HYAL4: variants seen among roughly 807,000 people sequenced by gnomAD.
HYAL4 encodes hyaluronidase 4.
A neutral mutation model predicts 35.2 loss-of-function variants in HYAL4; 37 were observed. That is an observed-to-expected ratio of 1.05 (90% CI 0.81 to 1.38). The LOEUF is 1.38. Ranked by LOEUF, HYAL4 falls within the 40% of genes most tolerant of loss-of-function variation. HYAL4 has a pLI of 0.00. For synonymous variants in HYAL4, 198 were observed against 203.2 expected, an observed-to-expected ratio of 0.97 and a Z score of 0.22; for missense variants, 572 against 572.4, an observed-to-expected ratio of 1.00 and a Z score of 0.01.
At chr7:123,815,715 G>A in the HYAL4 span, among the ~76,000 whole-genome samples, 2 of 152,138 alleles carry the variant, frequency 1.3e-5, no homozygotes, top group Non-Finnish European at 2.9e-5. Flanking sequence ...GGACATTCTT[G>A]TAAGGATTCA....
intron 2 of HYAL4, among the ~76,000 whole-genome samples, chr7:123,857,657 C>CTTTGTTTG (rs1164019138): frequency 1.2e-4 from 8 of 66,972 alleles, no homozygotes; most frequent in Admixed American, 4.7e-4. Context: ...TTCTTTGTTT[C>CTTTGTTTG]TTTCTTTGTT....
At chr7:123,831,135 G>A (rs1390384519) in intron 1 of HYAL4, among the ~76,000 whole-genome samples, 1 of 152,182 alleles carries the variant, frequency 6.6e-6, no homozygotes, top group African/African-American at 2.4e-5. Flanking sequence ...GGGCTTAGTG[G>A]CATTGTTGTG....
chr7:123,823,516 A>G, the HYAL4 span, among the ~76,000 whole-genome samples: 1 of 152,010 alleles, frequency 6.6e-6, no homozygotes, highest in African/African-American at 2.4e-5. Context: ...GAAGAGTTAG[A>G]GAGAGATTAG....
intron 2 of HYAL4, among the ~76,000 whole-genome samples, chr7:123,859,122 T>C (rs1457993187): frequency 6.6e-6 from 1 of 152,196 alleles, no homozygotes; most frequent in African/African-American, 2.4e-5. Flanking sequence ...AAAAGTTATC[T>C]GATGCTGAAG....
At chr7:123,829,323 T>G (rs773151639) in intron 1 of HYAL4, 13 of 152,152 alleles carry the variant, frequency 8.5e-5, no homozygotes, top group Non-Finnish European at 1.6e-4. Context: ...TTATTAGTTT[T>G]TCTCATTATG....
the HYAL4 span, among the ~76,000 whole-genome samples, chr7:123,805,659 T>C: frequency 6.6e-6 from 1 of 152,072 alleles, no homozygotes; most frequent in Non-Finnish European, 1.5e-5. Flanking sequence ...GCATGATATT[T>C]AATAAAAAAG....
intron 1 of HYAL4, among the ~76,000 whole-genome samples, chr7:123,829,960 A>G (rs1805855574): frequency 6.6e-6 from 1 of 152,220 alleles, no homozygotes; most frequent in African/African-American, 2.4e-5. Flanking sequence ...AATGTAAGAG[A>G]GTCAAAGCCT....
upstream of HYAL4, among the ~76,000 whole-genome samples, chr7:123,826,834 A>G (rs1805807549): frequency 6.6e-6 from 1 of 152,144 alleles, no homozygotes; most frequent in African/African-American, 2.4e-5. Flanking sequence ...AATTCTGGAT[A>G]TATTTCAAAG....
chr7:123,820,814 C>T, the HYAL4 span, among the ~76,000 whole-genome samples: 1 of 152,108 alleles, frequency 6.6e-6, no homozygotes, highest in African/African-American at 2.4e-5. Flanking sequence ...TCATTTCTCC[C>T]ACCCTCAGCC....
At chr7:123,840,092 G>A (rs1029441830), upstream of HYAL4, among the ~76,000 whole-genome samples, 1 of 152,142 alleles carries the variant, frequency 6.6e-6, no homozygotes, top group Non-Finnish European at 1.5e-5. Context: ...TATTGCCTAG[G>A]TTTTCTTCTA....
chr7:123,859,931 C>T (rs1210892867), intron 2 of HYAL4, among the ~76,000 whole-genome samples: 2 of 152,094 alleles, frequency 1.3e-5, no homozygotes, highest in African/African-American at 4.8e-5. Flanking sequence ...TTTGAGTATC[C>T]CTCCTGATAT....
Position 123,868,281 on chromosome 7 carries a change from T to G in HYAL4, c.8T>G (p.Val3Gly). The G allele has an allele frequency of 6.5e-7, 1 of 1,532,760 alleles. No homozygotes were observed. The highest frequency in any genetic ancestry group is 8.7e-7 in the Non-Finnish European group (1 of 1,143,294). The allele number at this position is 1,532,760 out of a possible 1,614,324, so 94.9% of individuals were successfully genotyped here. A position where few individuals can be genotyped will look rare whatever the true frequency, so the allele number is the denominator to read the frequency against. The change falls in exon 3 of 5, where the codon GTA becomes GGA. Residue 3 changes from valine to glycine, a missense_variant. Physicochemically the swap from Val to Gly is moderately radical, Grantham distance 109. Coordinates refer to ENST00000223026, the MANE Select transcript of HYAL4 (RefSeq NM_012269.3). ...TAACATTTTTATCTTACCATGAAAG[T>G]ATTATCTGAAGGACAGTTAAAGCTT... is the stretch of plus-strand genomic sequence containing the variant. The part of the protein sequence containing the change: MK[V>G]LSEGQLKLCV...
At chr7:123,865,867 A>G (rs1806675453) in intron 2 of HYAL4, among the ~76,000 whole-genome samples, 1 of 152,172 alleles carries the variant, frequency 6.6e-6, no homozygotes, top group African/African-American at 2.4e-5. Flanking sequence ...GGACTCACAG[A>G]TCCACATGGT....
the HYAL4 span, among the ~76,000 whole-genome samples, chr7:123,807,823 C>T: frequency 6.6e-6 from 1 of 151,444 alleles, no homozygotes; most frequent in Non-Finnish European, 1.5e-5. Context: ...CCTCAACCTC[C>T]CAGACTCAAG....
intron 1 of HYAL4, among the ~76,000 whole-genome samples, chr7:123,837,837 A>G (rs1250712360): frequency 1.3e-5 from 2 of 152,034 alleles, no homozygotes; most frequent in Non-Finnish European, 2.9e-5. Flanking sequence ...GTCCCTACAA[A>G]GGACATGAAC....
the HYAL4 span, among the ~76,000 whole-genome samples, chr7:123,780,583 A>G: frequency 6.6e-6 from 1 of 152,234 alleles, no homozygotes; most frequent in African/African-American, 2.4e-5. Context: ...AATACAAAAT[A>G]TCTAAGAGTA....
rs770633506 is a variant in HYAL4 at position 123,868,348 on chromosome 7, A to AT, written c.81dup (p.Ile28TyrfsTer37). Reference sequence around the variant, plus strand: ...TACATCTCACTTCATGGCTCCTTATATTTTTTATTCTAAAGTCTATCTCTT... The same window carrying AT: ...TACATCTCACTTCATGGCTCCTTATATTTTTTTATTCTAAAGTCTATCTCTT... On this transcript the variant is annotated frameshift_variant, in exon 3 of 5. Coordinates refer to ENST00000223026, the MANE Select transcript of HYAL4 (RefSeq NM_012269.3). LOFTEE classifies it high-confidence loss of function. 463 of 1,601,978 alleles carry AT rather than the reference A, an allele frequency of 2.9e-4. No individual in the cohort carries two copies. Among genetic ancestry groups the AT allele is most frequent in the Non-Finnish European group, 3.5e-4 (417 of 1,177,002 alleles).
chr7:123,775,371 A>C, the HYAL4 span, among the ~76,000 whole-genome samples: 4 of 152,092 alleles, frequency 2.6e-5, no homozygotes, highest in Admixed American at 2.6e-4. Context: ...TGAGGCTGCA[A>C]TGAGCTGTGA....
intron 3 of HYAL4, 72 bp from the exon 4 acceptor site, chr7:123,874,689 G>A (rs1165885693): frequency 6.7e-6 from 6 of 898,414 alleles, no homozygotes; most frequent in African/African-American, 4.9e-5. Flanking sequence ...ACAGGCGTGA[G>A]CCACCGCGCC....
Sources: allele counts gnomAD v4.1 joint callset (sites outside exome capture counted in the v4.1 genomes callset), GRCh38; gene constraint gnomAD v4.1.1; transcripts MANE v1.5; gene names NCBI Gene and HGNC (gene_info 2026-07-23, HGNC 2026-07-21).